JAZF1: variants seen among roughly 807,000 people sequenced by gnomAD.
JAZF1 encodes the protein juxtaposed with another zinc finger protein 1.
A neutral mutation model predicts 26.4 loss-of-function variants in JAZF1; 8 were observed. The ratio of observed to expected loss-of-function variants is 0.30; its 90% CI spans 0.18 to 0.55. The LOEUF is 0.55. Ranked by LOEUF, JAZF1 falls within the 20% of genes least tolerant of loss-of-function variation. JAZF1 has a pLI of 0.94. For missense variants in JAZF1, 199 were observed against 322.0 expected, an observed-to-expected ratio of 0.62 and a Z score of 2.92; for synonymous variants, 126 against 122.3, an observed-to-expected ratio of 1.03 and a Z score of -0.20.
At chr7:28,144,313 G>T (rs759148492) in intron 1 of JAZF1, among the ~76,000 whole-genome samples, 7 of 152,218 alleles carry the variant, frequency 4.6e-5, no homozygotes, top group Non-Finnish European at 1.0e-4. Flanking sequence ...AAGAGTTGAA[G>T]GCATGAGACC....
intron 1 of JAZF1, among the ~76,000 whole-genome samples, chr7:28,129,906 T>C (rs751672318): frequency 3.9e-4 from 59 of 152,308 alleles, no homozygotes; most frequent in Non-Finnish European, 7.1e-4. Flanking sequence ...GTTATGTGTT[T>C]TTTACATCTA....
intron 2 of JAZF1, among the ~76,000 whole-genome samples, chr7:27,904,879 C>T (rs900958614): frequency 5.3e-5 from 8 of 152,062 alleles, no homozygotes; most frequent in Non-Finnish European, 1.0e-4. Context: ...AGATTGTGTT[C>T]TTGGGTACCA....
chr7:27,971,960 C>T (rs926917490), intron 2 of JAZF1, among the ~76,000 whole-genome samples: 5 of 152,166 alleles, frequency 3.3e-5, no homozygotes, highest in African/African-American at 1.2e-4. Context: ...GTTACTCATG[C>T]ATTTATCCCA....
Position 27,893,437 on chromosome 7 carries a change from G to A in JAZF1, c.385+1783C>T, listed in dbSNP as rs527776866. 3.3e-5 allele frequency among the ~76,000 whole-genome samples: 5 copies of A among 152,202 alleles called. No homozygotes were observed. In the South Asian group the frequency reaches 6.2e-4, roughly 19 times the overall value. On this transcript the variant is annotated intron_variant, in intron 3 of 4. Transcript: ENST00000283928. ...TAAGACCCCCAGTGCCCTAGTCCCC[G>A]CCTACCTCCTCAGTCTCATCTTACA...
chr7:28,144,703 C>T (rs529664380), intron 1 of JAZF1, among the ~76,000 whole-genome samples: 4 of 152,214 alleles, frequency 2.6e-5, no homozygotes, highest in Non-Finnish European at 5.9e-5. Context: ...AGTTTAATCA[C>T]AGTATAATCA....
At chr7:27,913,412 C>T (rs746542814) in intron 2 of JAZF1, 78 of 458,352 alleles carry the variant, frequency 1.7e-4, no homozygotes, top group South Asian at 1.1e-3. Flanking sequence ...AGTAGGACAG[C>T]GAGAAGGGAG....
intron 1 of JAZF1, among the ~76,000 whole-genome samples, chr7:28,069,232 G>A (rs184547368): frequency 7.9e-5 from 12 of 152,286 alleles, no homozygotes; most frequent in African/African-American, 2.2e-4. Context: ...TTGATCTCAC[G>A]GCCTCATCTC....
intron 4 of JAZF1, among the ~76,000 whole-genome samples, chr7:27,833,438 T>C (rs1323413869): frequency 6.6e-6 from 1 of 152,214 alleles, no homozygotes; most frequent in Non-Finnish European, 1.5e-5. Context: ...AAACTCAATT[T>C]ACAGCTTGCT....
In JAZF1 at chr7:28,034,107, A is replaced by T. The variant is rs181938430; in HGVS notation, c.116-42126T>A. On this transcript the variant is annotated intron_variant, in intron 1 of 4. Coordinates refer to ENST00000283928, the MANE Select transcript of JAZF1 (RefSeq NM_175061.4). The stretch of plus-strand genomic sequence containing the variant: ...CATAAGAAATACCAATACCTCTCTA[A>T]AAAAAAATTATCTTTTATGACTTTC... 0.022 allele frequency among the ~76,000 whole-genome samples: 3,381 copies of T among 151,754 alleles called. 301 individuals are homozygous for T. In the East Asian group the frequency reaches 0.32, roughly 14 times the overall value.
chr7:27,914,477 G>A (rs551930805), intron 2 of JAZF1, among the ~76,000 whole-genome samples: 3 of 152,144 alleles, frequency 2.0e-5, no homozygotes, highest in African/African-American at 2.4e-5. Flanking sequence ...GTGTGTGCTC[G>A]TCAACCCCAG....
chr7:27,940,154 C>A (rs1423041812), intron 2 of JAZF1, among the ~76,000 whole-genome samples: 1 of 152,192 alleles, frequency 6.6e-6, no homozygotes, highest in Admixed American at 6.5e-5. Flanking sequence ...TGAGCATGCC[C>A]CCGGTACCAT....
intron 1 of JAZF1, among the ~76,000 whole-genome samples, chr7:28,138,875 G>C (rs922188915): frequency 1.3e-5 from 2 of 152,176 alleles, no homozygotes; most frequent in Admixed American, 1.3e-4. Context: ...GCACCTCCCA[G>C]ACTACCTCCC....
At chr7:28,114,729 G>A (rs536683118) in intron 1 of JAZF1, among the ~76,000 whole-genome samples, 89 of 151,548 alleles carry the variant, frequency 5.9e-4, no homozygotes, top group Admixed American at 2.2e-3. Context: ...CACCTTTCAG[G>A]GGACAACCGT....
At chr7:27,901,976 A>C (rs1784168434) in intron 2 of JAZF1, among the ~76,000 whole-genome samples, 1 of 152,180 alleles carries the variant, frequency 6.6e-6, no homozygotes. Flanking sequence ...CACATGTATA[A>C]ATAGGCCTGC....
intron 2 of JAZF1, among the ~76,000 whole-genome samples, chr7:27,917,525 C>A (rs1784461662): frequency 6.6e-6 from 1 of 152,290 alleles, no homozygotes; most frequent in South Asian, 2.1e-4. Context: ...GGTTTGAGAA[C>A]CACGGAGTTT....
chr7:28,179,724 C>T (rs961388233), intron 1 of JAZF1, among the ~76,000 whole-genome samples: 231 of 148,134 alleles, frequency 1.6e-3, no homozygotes, highest in Non-Finnish European at 2.6e-3. Flanking sequence ...CCCGGGCCCG[C>T]GTCCCCGGCC....
intron 1 of JAZF1, chr7:28,020,782 A>T (rs1202937011): frequency 8.9e-6 from 4 of 450,010 alleles, no homozygotes; most frequent in Middle Eastern, 3.4e-4. Context: ...TCTCTTCTCC[A>T]GCACCCAAGG....
At chr7:28,085,759 CA>C (rs1784203698) in intron 1 of JAZF1, among the ~76,000 whole-genome samples, 1 of 152,162 alleles carries the variant, frequency 6.6e-6, no homozygotes, top group African/African-American at 2.4e-5. Context: ...TGAGGTCCAG[CA>C]AAATTAATGT....
intron 1 of JAZF1, among the ~76,000 whole-genome samples, chr7:28,146,988 C>G (rs1783037952): frequency 6.6e-6 from 1 of 151,450 alleles, no homozygotes; most frequent in Non-Finnish European, 1.5e-5. Flanking sequence ...TACTAGGTAG[C>G]TGGGATTACA....
Sources: allele counts gnomAD v4.1 joint callset (sites outside exome capture counted in the v4.1 genomes callset), GRCh38; gene constraint gnomAD v4.1.1; transcripts MANE v1.5; gene names NCBI Gene and HGNC (gene_info 2026-07-23, HGNC 2026-07-21).